Variants in EPM2A observed in about 807,000 individuals in gnomAD.
EPM2A encodes the protein EPM2A glucan phosphatase, laforin.
EPM2A carries 21 observed loss-of-function variants against 26.5 expected under a neutral mutation model. The ratio of observed to expected loss-of-function variants is 0.79; its 90% CI spans 0.56 to 1.14. The LOEUF (loss-of-function observed/expected upper bound fraction) is 1.14. Among genes scored for constraint, EPM2A ranks in the 50% most tolerant of loss-of-function variants. The probability of loss-of-function intolerance (pLI) is 0.00; values close to 1 mark genes in which losing one functional copy is unlikely to be tolerated. For missense variants in EPM2A, 458 were observed against 440.8 expected, an observed-to-expected ratio of 1.04 and a Z score of -0.35; for synonymous variants, 217 against 177.6, an observed-to-expected ratio of 1.22 and a Z score of -1.76.
intron 4 of EPM2A, among the ~76,000 whole-genome samples, chr6:145,418,468 C>T (rs2114681116): frequency 6.6e-6 from 1 of 152,264 alleles, no homozygotes; most frequent in East Asian, 1.9e-4. Flanking sequence ...GTGACCACTG[C>T]CCAGCCATCC....
intron 1 of EPM2A, among the ~76,000 whole-genome samples, chr6:145,690,451 A>G (rs1401104684): frequency 2.1e-5 from 3 of 144,996 alleles, no homozygotes; most frequent in African/African-American, 7.6e-5. Context: ...CGGAGCTTGC[A>G]GTGAGCCGAG....
At chr6:145,598,487 A>C (rs1221581949) in intron 2 of EPM2A, among the ~76,000 whole-genome samples, 1 of 152,068 alleles carries the variant, frequency 6.6e-6, no homozygotes, top group African/African-American at 2.4e-5. Flanking sequence ...AGTAAAAGAT[A>C]ATATCTGATG....
chr6:145,579,170 A>G (rs1781079575), intron 2 of EPM2A, among the ~76,000 whole-genome samples: 1 of 152,086 alleles, frequency 6.6e-6, no homozygotes, highest in Non-Finnish European at 1.5e-5. Context: ...ATAATAAAAG[A>G]AAAAATAATT....
At chr6:145,495,500 T>C (rs1475156769) in intron 4 of EPM2A, among the ~76,000 whole-genome samples, 1 of 152,166 alleles carries the variant, frequency 6.6e-6, no homozygotes, top group Non-Finnish European at 1.5e-5. Flanking sequence ...AAGGTTAGTA[T>C]TGTTATGTGT....
At chr6:145,445,669 TTTTG>T (rs1356487794) in intron 4 of EPM2A, among the ~76,000 whole-genome samples, 36 of 152,142 alleles carry the variant, frequency 2.4e-4, no homozygotes, top group Admixed American at 5.9e-4. Context: ...AGTTCTGACC[TTTTG>T]TTTGTTTGTT....
chr6:145,507,865 C>A (rs1779999855), intron 2 of EPM2A, among the ~76,000 whole-genome samples: 1 of 152,246 alleles, frequency 6.6e-6, no homozygotes, highest in African/African-American at 2.4e-5. Flanking sequence ...CCAGGGACAG[C>A]TTTGTATTCT....
At chr6:145,696,178 A>G (rs1035537432) in intron 1 of EPM2A, among the ~76,000 whole-genome samples, 3 of 152,156 alleles carry the variant, frequency 2.0e-5, no homozygotes, top group African/African-American at 7.2e-5. Context: ...AACAACTAAT[A>G]AGTCAAAGAA....
intron 4 of EPM2A, among the ~76,000 whole-genome samples, chr6:145,407,534 A>G (rs1778585825): frequency 6.6e-6 from 1 of 152,202 alleles, no homozygotes; most frequent in Non-Finnish European, 1.5e-5. Context: ...TGCAAAATGT[A>G]AGAAAATTAC....
intron 1 of EPM2A, among the ~76,000 whole-genome samples, chr6:145,700,227 A>G (rs956334600): frequency 1.2e-4 from 18 of 152,168 alleles, no homozygotes; most frequent in African/African-American, 4.3e-4. Context: ...TCTATGTCAC[A>G]TGCAGAGATG....
chr6:145,614,062 GT>G (rs1477166703), intron 2 of EPM2A, among the ~76,000 whole-genome samples: 24 of 152,292 alleles, frequency 1.6e-4, no homozygotes, highest in Admixed American at 1.6e-3. Context: ...CTGTTGTTTA[GT>G]GTACCTGCCT....
At chr6:145,554,463 GATAGATAC>G (rs1318685735) in intron 2 of EPM2A, among the ~76,000 whole-genome samples, 1 of 150,886 alleles carries the variant, frequency 6.6e-6, no homozygotes, top group African/African-American at 2.5e-5. Context: ...TAGATAGATA[GATAGATAC>G]ATAGACAGAG....
intron 2 of EPM2A, among the ~76,000 whole-genome samples, chr6:145,578,790 C>T (rs1562389821): frequency 6.6e-6 from 1 of 152,082 alleles, no homozygotes; most frequent in African/African-American, 2.4e-5. Flanking sequence ...GAAGTCATCC[C>T]TACAAGATAC....
chr6:145,715,348 C>G (rs1775557223), intron 1 of EPM2A, among the ~76,000 whole-genome samples: 2 of 152,090 alleles, frequency 1.3e-5, no homozygotes, highest in South Asian at 4.2e-4. Flanking sequence ...CGCACAGGGA[C>G]AGCTTTGAGA....
intron 4 of EPM2A, among the ~76,000 whole-genome samples, chr6:145,432,647 T>A (rs968713755): frequency 9.9e-5 from 15 of 152,148 alleles, no homozygotes; most frequent in Non-Finnish European, 2.2e-4. Flanking sequence ...TTAAGAGCCC[T>A]AAAAGTTTTA....
In EPM2A at chr6:145,626,688, C is replaced by T. The variant is rs1775833778; in HGVS notation, c.*728G>A. 1 of 983,240 alleles carries T rather than the reference C, an allele frequency of 1.0e-6. No homozygotes were observed. 60.9% of individuals were successfully genotyped at this position (983,240 alleles called of 1,614,324 possible). A position where few individuals can be genotyped will look rare whatever the true frequency, so the allele number is the denominator to read the frequency against. ...TGGTCATGAGACCTTGGACAAGCTA[C>T]CTATGCTCATTAAGCCTCAATTTAA... On this transcript the variant is annotated 3_prime_UTR_variant, in exon 4 of 4. Coordinates refer to ENST00000367519, the MANE Select transcript of EPM2A (RefSeq NM_005670.4).
chr6:145,481,965 T>C (rs1779615653), intron 4 of EPM2A, among the ~76,000 whole-genome samples: 1 of 152,158 alleles, frequency 6.6e-6, no homozygotes, highest in African/African-American at 2.4e-5. Flanking sequence ...ATCATACAAA[T>C]GCTTAGAAGC....
rs957624319 is a variant in EPM2A at position 145,652,439 on chromosome 6, T to C, written c.477-16953A>G. 6.6e-5 allele frequency among the ~76,000 whole-genome samples: 10 copies of C among 152,146 alleles called. 1 individual carries two copies. Among genetic ancestry groups the C allele is most frequent in the Non-Finnish European group, 1.0e-4 (7 of 68,020 alleles). ...GTGACACATTAGAATTTTTGTATCCTGTCAATTTTCTGAAGGTGTTTACAA... is the reference window on the plus strand; with the variant it reads ...GTGACACATTAGAATTTTTGTATCCCGTCAATTTTCTGAAGGTGTTTACAA... On this transcript the variant is annotated intron_variant, in intron 2 of 3. Coordinates refer to ENST00000367519, the MANE Select transcript of EPM2A (RefSeq NM_005670.4).
chr6:145,496,661 T>C (rs932994638), downstream of EPM2A, among the ~76,000 whole-genome samples: 1 of 152,040 alleles, frequency 6.6e-6, no homozygotes, highest in African/African-American at 2.4e-5. Context: ...CTGTACTGTG[T>C]TTTTCAGCTC....
At chr6:145,483,072 G>A (rs1480045147) in intron 4 of EPM2A, among the ~76,000 whole-genome samples, 2 of 152,064 alleles carry the variant, frequency 1.3e-5, no homozygotes, top group Admixed American at 6.6e-5. Context: ...GTATTGACAC[G>A]ATGTTAATGA....
Sources: allele counts gnomAD v4.1 joint callset (sites outside exome capture counted in the v4.1 genomes callset), GRCh38; gene constraint gnomAD v4.1.1; transcripts MANE v1.5; gene names NCBI Gene and HGNC (gene_info 2026-07-23, HGNC 2026-07-21).